Variants in ATG7 observed in about 807,000 individuals in gnomAD.
The protein encoded by ATG7 is autophagy related 7, also known as ubiquitin-like modifier-activating enzyme ATG7.
A neutral mutation model predicts 82.4 loss-of-function variants in ATG7; 70 were observed. The ratio of observed to expected loss-of-function variants is 0.85; its 90% CI spans 0.70 to 1.04. ATG7 has a LOEUF of 1.04. Ranked by LOEUF, ATG7 falls within the 50% of genes least tolerant of loss-of-function variation. ATG7 has a pLI of 0.00. For missense variants in ATG7, 792 were observed against 864.3 expected, an observed-to-expected ratio of 0.92 and a Z score of 1.05; for synonymous variants, 287 against 313.0, an observed-to-expected ratio of 0.92 and a Z score of 0.88.
chr3:11,351,114 T>C (rs970565852), intron 14 of ATG7, among the ~76,000 whole-genome samples: 20 of 152,122 alleles, frequency 1.3e-4, no homozygotes, highest in Admixed American at 1.3e-3. Flanking sequence ...TCCCACTGTT[T>C]ATTTGTTTAG....
downstream of ATG7, chr3:11,558,730 G>T: frequency 6.2e-7 from 1 of 1,614,204 alleles, no homozygotes; most frequent in Non-Finnish European, 8.5e-7. Flanking sequence ...CGGAGCCCGT[G>T]ATGGACACGG....
In ATG7 at chr3:11,510,350, T is replaced by C. The variant is rs1055425934; in HGVS notation, c.2080-44461T>C. 8.9e-6 allele frequency: 4 copies of C among 448,452 alleles called. 1 individual carries two copies. Among genetic ancestry groups the C allele is most frequent in the South Asian group, 3.2e-5 (2 of 63,382 alleles). The allele number at this position is 448,452 out of a possible 1,614,324, so 27.8% of individuals were successfully genotyped here. A position where few individuals can be genotyped will look rare whatever the true frequency, so the allele number is the denominator to read the frequency against. Reference sequence around the variant, plus strand: ...GTATAATTTGTGTTATTACCTCTTATTTGTCTTTGTAAGTTTGTCCCTGCC... The same window carrying C: ...GTATAATTTGTGTTATTACCTCTTACTTGTCTTTGTAAGTTTGTCCCTGCC... On this transcript the variant is annotated intron_variant, in intron 20 of 20. Coordinates refer to ENST00000693202, the MANE Select transcript of ATG7 (RefSeq NM_001349232.2).
chr3:11,327,032 C>A (rs1002070267), intron 9 of ATG7, among the ~76,000 whole-genome samples: 1 of 152,168 alleles, frequency 6.6e-6, no homozygotes, highest in Non-Finnish European at 1.5e-5. Flanking sequence ...ATCACTTTTC[C>A]TGCTCTAGCT....
At chr3:11,505,797 TTAAGTG>T (rs2091668669) in intron 20 of ATG7, among the ~76,000 whole-genome samples, 1 of 152,224 alleles carries the variant, frequency 6.6e-6, no homozygotes, top group Non-Finnish European at 1.5e-5. Context: ...GCTCCGTGGC[TTAAGTG>T]CTAGTCAGTG....
At chr3:11,380,947 G>A (rs1013612414) in intron 19 of ATG7, among the ~76,000 whole-genome samples, 5 of 152,160 alleles carry the variant, frequency 3.3e-5, no homozygotes, top group Non-Finnish European at 7.3e-5. Flanking sequence ...TTTGAAAACT[G>A]TACTTGGGCT....
intron 9 of ATG7, among the ~76,000 whole-genome samples, chr3:11,322,307 G>T (rs1207391536): frequency 1.3e-5 from 2 of 152,218 alleles, no homozygotes; most frequent in East Asian, 3.9e-4. Flanking sequence ...CCCAGTAAAT[G>T]ATTTAAGAAT....
At chr3:11,312,164 T>A (rs1948766808) in intron 7 of ATG7, among the ~76,000 whole-genome samples, 1 of 152,104 alleles carries the variant, frequency 6.6e-6, no homozygotes, top group South Asian at 2.1e-4. Flanking sequence ...CATGGTGAAT[T>A]TTATGGAACG....
At chr3:11,420,216 G>T (rs1559584201) in intron 19 of ATG7, among the ~76,000 whole-genome samples, 1 of 152,164 alleles carries the variant, frequency 6.6e-6, no homozygotes, top group African/African-American at 2.4e-5. Flanking sequence ...CACATAAAAA[G>T]AATACTGGAG....
intron 16 of ATG7, 107 bp from the exon 17 acceptor site, chr3:11,362,700 AATGAGC>A: frequency 1.3e-6 from 1 of 768,666 alleles, no homozygotes; most frequent in Non-Finnish European, 2.1e-6. Context: ...CTTTGCCAAC[AATGAGC>A]ATCTGGTTAT....
At chr3:11,345,288 G>C (rs1022405163) in intron 13 of ATG7, among the ~76,000 whole-genome samples, 1 of 151,974 alleles carries the variant, frequency 6.6e-6, no homozygotes, top group Non-Finnish European at 1.5e-5. Context: ...AGGCGCCTGT[G>C]GTCCCAGCTA....
chr3:11,412,699 CTTTTT>C (rs937786024), intron 19 of ATG7, among the ~76,000 whole-genome samples: 1 of 151,006 alleles, frequency 6.6e-6, no homozygotes, highest in Non-Finnish European at 1.5e-5. Context: ...TTTAGGATGG[CTTTTT>C]TTTTATTTCT....
At chr3:11,363,055 C>A (rs1215650111) in intron 17 of ATG7, 127 bp downstream of exon 17, 1 of 837,410 alleles carries the variant, frequency 1.2e-6, no homozygotes. Flanking sequence ...CTCAAAAAAA[C>A]AAGACTAGAA....
chr3:11,324,202 G>A (rs543556378), intron 9 of ATG7, among the ~76,000 whole-genome samples: 1 of 152,312 alleles, frequency 6.6e-6, no homozygotes, highest in South Asian at 2.1e-4. Flanking sequence ...CAATTAATTT[G>A]TGGCAAAGCC....
chr3:11,488,935 A>G (rs1390449912), intron 20 of ATG7, among the ~76,000 whole-genome samples: 1 of 152,078 alleles, frequency 6.6e-6, no homozygotes, highest in Non-Finnish European at 1.5e-5. Flanking sequence ...ATTAGGGAGG[A>G]TTCCCTCTTT....
intron 16 of ATG7, 81 bp from the exon 17 acceptor site, chr3:11,362,732 C>A: frequency 8.7e-7 from 1 of 1,148,414 alleles, no homozygotes; most frequent in Non-Finnish European, 1.2e-6. Context: ...AAAGCTTTGT[C>A]ACAGAGGATT....
At chr3:11,493,471 C>G (rs911634352) in intron 20 of ATG7, among the ~76,000 whole-genome samples, 1 of 152,194 alleles carries the variant, frequency 6.6e-6, no homozygotes, top group African/African-American at 2.4e-5. Flanking sequence ...AGCAGGCAAA[C>G]AGGAGAATAG....
chr3:11,452,384 C>CAA (rs34530409), intron 20 of ATG7, among the ~76,000 whole-genome samples: 2,651 of 56,976 alleles, frequency 0.047, 255 homozygotes, highest in East Asian at 0.13. Flanking sequence ...GAACCTGTCT[C>CAA]AAAAAAAAAA....
chr3:11,531,079 C>T (rs1012623969), intron 20 of ATG7, among the ~76,000 whole-genome samples: 1 of 152,206 alleles, frequency 6.6e-6, no homozygotes, highest in Non-Finnish European at 1.5e-5. Flanking sequence ...GCAGAGCGGG[C>T]TTCTTGCCTC....
At chr3:11,349,506 A>G (rs1016255602) in intron 14 of ATG7, among the ~76,000 whole-genome samples, 1 of 152,110 alleles carries the variant, frequency 6.6e-6, no homozygotes, top group Non-Finnish European at 1.5e-5. Context: ...ATGCCATTTC[A>G]CTCAAGCCTC....
Sources: allele counts gnomAD v4.1 joint callset (sites outside exome capture counted in the v4.1 genomes callset), GRCh38; gene constraint gnomAD v4.1.1; transcripts MANE v1.5; gene names NCBI Gene and HGNC (gene_info 2026-07-23, HGNC 2026-07-21).